Variants in LOC128462377 observed in about 807,000 individuals in gnomAD.
At chr16:89,323,130 G>A in the LOC128462377 span, 1 of 348,250 alleles carries the variant, frequency 2.9e-6, no homozygotes, top group South Asian at 2.2e-5. Context: ...GCGCTCCGTG[G>A]AAAGGGAGAA....
chr16:89,340,018 G>A, the LOC128462377 span: 2 of 152,202 alleles, frequency 1.3e-5, no homozygotes, highest in African/African-American at 2.4e-5. Flanking sequence ...CAACTGCAGT[G>A]TGCGCTCCTC....
At chr16:89,355,821 C>T in the LOC128462377 span, among the ~76,000 whole-genome samples, 1 of 152,192 alleles carries the variant, frequency 6.6e-6, no homozygotes, top group Non-Finnish European at 1.5e-5. Context: ...CGGCAAGGGT[C>T]TGTGGCTCTC....
At chr16:89,318,899 ATT>A in the LOC128462377 span, among the ~76,000 whole-genome samples, 5 of 152,180 alleles carry the variant, frequency 3.3e-5, no homozygotes, top group East Asian at 9.7e-4. Context: ...GGCCAGACAT[ATT>A]TTCTCTCTCT....
chr16:89,351,824 T>C, the LOC128462377 span, among the ~76,000 whole-genome samples: 16 of 152,172 alleles, frequency 1.1e-4, no homozygotes, highest in Non-Finnish European at 1.5e-4. Context: ...GTCCTGGTGG[T>C]TGAACAGACC....
At chr16:89,374,069 CAG>C in the LOC128462377 span, among the ~76,000 whole-genome samples, 2 of 152,228 alleles carry the variant, frequency 1.3e-5, no homozygotes, top group African/African-American at 4.8e-5. Flanking sequence ...GTGAGGCCCG[CAG>C]AGAGGGGTGT....
At chr16:89,381,388 T>A in the LOC128462377 span, among the ~76,000 whole-genome samples, 1 of 148,192 alleles carries the variant, frequency 6.7e-6, no homozygotes, top group African/African-American at 2.5e-5. Flanking sequence ...TTCAGACTAT[T>A]AGAAGCAAGA....
At chr16:89,384,538 CTGGGATGGGA>C in the LOC128462377 span, among the ~76,000 whole-genome samples, 7 of 148,222 alleles carry the variant, frequency 4.7e-5, no homozygotes, top group African/African-American at 1.8e-4. Context: ...TGGGATGGGA[CTGGGATGGGA>C]TGGGATGGGA....
chr16:89,397,700 G>A, the LOC128462377 span, among the ~76,000 whole-genome samples: 7 of 152,212 alleles, frequency 4.6e-5, no homozygotes, highest in South Asian at 2.1e-4. Context: ...ATGCTGACCC[G>A]GTACTGCTCT....
At chr16:89,405,845 C>T in the LOC128462377 span, among the ~76,000 whole-genome samples, 4 of 152,120 alleles carry the variant, frequency 2.6e-5, no homozygotes, top group Non-Finnish European at 2.9e-5. Context: ...AACTTAGCTC[C>T]AGCAAGAATA....
the LOC128462377 span, among the ~76,000 whole-genome samples, chr16:89,387,678 T>TAAAAAA: frequency 2.4e-5 from 1 of 41,630 alleles, no homozygotes. Context: ...ATCTCAAAAA[T>TAAAAAA]AAAAAAAGAA....
At chr16:89,379,151 C>CAT in the LOC128462377 span, among the ~76,000 whole-genome samples, 1 of 152,242 alleles carries the variant, frequency 6.6e-6, no homozygotes, top group Non-Finnish European at 1.5e-5. Context: ...GGCCGGCCCC[C>CAT]ATGCCTGCCC....
the LOC128462377 span, among the ~76,000 whole-genome samples, chr16:89,415,765 T>C: frequency 1.4e-5 from 2 of 138,450 alleles, no homozygotes; most frequent in South Asian, 4.7e-4. Context: ...GAGGTGGAGG[T>C]TGCAGTGAGC....
chr16:89,322,606 A>C, the LOC128462377 span, among the ~76,000 whole-genome samples: 1 of 152,214 alleles, frequency 6.6e-6, no homozygotes, highest in South Asian at 2.1e-4. Flanking sequence ...CTCCAATTCC[A>C]AAGACAGGAA....
At chr16:89,372,891 C>T in the LOC128462377 span, 1 of 152,340 alleles carries the variant, frequency 6.6e-6, no homozygotes, top group Admixed American at 6.5e-5. Context: ...GTTTACGGAC[C>T]CCGGAAGCTC....
chr16:89,377,606 CGAG>C, the LOC128462377 span, among the ~76,000 whole-genome samples: 2 of 152,020 alleles, frequency 1.3e-5, no homozygotes, highest in African/African-American at 2.4e-5. Flanking sequence ...CACCAGGTGA[CGAG>C]GAGGAGGTAG....
At chr16:89,407,686 T>A in the LOC128462377 span, among the ~76,000 whole-genome samples, 12 of 150,150 alleles carry the variant, frequency 8.0e-5, no homozygotes, top group Non-Finnish European at 1.6e-4. Context: ...CACACACACA[T>A]AGACACACAC....
At chr16:89,321,162 G>A in the LOC128462377 span, 1 of 152,458 alleles carries the variant, frequency 6.6e-6, no homozygotes, top group South Asian at 2.1e-4. Context: ...GAGATGCAGC[G>A]AGCACCAAAG....
chr16:89,345,208 GA>G, the LOC128462377 span, among the ~76,000 whole-genome samples: 203 of 148,520 alleles, frequency 1.4e-3, no homozygotes, highest in African/African-American at 4.6e-3. Flanking sequence ...TGTAAAGATG[GA>G]AAAAAAAAAT....
chr16:89,342,289 C>A, the LOC128462377 span, among the ~76,000 whole-genome samples: 1 of 152,258 alleles, frequency 6.6e-6, no homozygotes, highest in Non-Finnish European at 1.5e-5. Context: ...ATGAGAGCGG[C>A]AGCCCAGGCT....
Sources: allele counts gnomAD v4.1 joint callset (sites outside exome capture counted in the v4.1 genomes callset), GRCh38; gene constraint gnomAD v4.1.1; transcripts MANE v1.5.